Variants in ADAMTSL3 observed in about 807,000 individuals in gnomAD.
The protein encoded by ADAMTSL3 is ADAMTS like 3.
ADAMTSL3 carries 128 observed loss-of-function variants against 201.7 expected under a neutral mutation model. That is an observed-to-expected ratio of 0.63 (90% CI 0.55 to 0.73). The LOEUF (loss-of-function observed/expected upper bound fraction) is 0.73. ADAMTSL3 is among the 30% of genes least tolerant of loss of function. The probability of loss-of-function intolerance (pLI) is 0.00; values close to 1 mark genes in which losing one functional copy is unlikely to be tolerated. For missense variants in ADAMTSL3, 1,990 were observed against 2,119.6 expected (o/e 0.94, Z 1.20); for synonymous variants, 738 against 748.4 (o/e 0.99, Z 0.23).
rs181083444 is a variant in ADAMTSL3 at position 83,979,536 on chromosome 15, T to C, written c.2645-2737T>C. 2.6e-3 allele frequency among the ~76,000 whole-genome samples: 390 copies of C among 152,342 alleles called. 2 individuals carry two copies. The highest frequency in any genetic ancestry group is 9.0e-3 in the African/African-American group (376 of 41,578). ...AGAACAAACAACGTTAATATGTGAT[T>C]GTGTCTTGAATTTTATATTCCTTTT... On this transcript the variant is annotated intron_variant, in intron 20 of 29. Transcript: ENST00000286744.
chr15:83,788,338 A>T (rs2063295828), intron 4 of ADAMTSL3, among the ~76,000 whole-genome samples: 1 of 152,114 alleles, frequency 6.6e-6, no homozygotes, highest in Non-Finnish European at 1.5e-5. Context: ...TCATCCTGGG[A>T]GGGTCATTTA....
chr15:83,842,542 G>A (rs1192862532), intron 7 of ADAMTSL3, among the ~76,000 whole-genome samples: 1 of 152,190 alleles, frequency 6.6e-6, no homozygotes, highest in African/African-American at 2.4e-5. Flanking sequence ...AGGGGGATAA[G>A]GGAACTTTGC....
chr15:83,807,971 G>A (rs537748826), intron 5 of ADAMTSL3, among the ~76,000 whole-genome samples: 15 of 152,268 alleles, frequency 9.9e-5, no homozygotes, highest in South Asian at 2.1e-4. Context: ...ATCTCTCACC[G>A]TGTACAAAAT....
Position 83,699,107 on chromosome 15 carries a change from T to TATAC in ADAMTSL3, c.70-5263_70-5260dup, listed in dbSNP as rs529844314. ...TATAATGGTTGTAAATATATGTAAA[T>TATAC]ATACATACATACATACATACATTAT... On this transcript the variant is annotated intron_variant, in intron 2 of 29. Coordinates refer to ENST00000286744, the MANE Select transcript of ADAMTSL3 (RefSeq NM_207517.3). 1.4e-3 allele frequency among the ~76,000 whole-genome samples: 216 copies of TATAC among 152,060 alleles called. 2 individuals are homozygous for TATAC. The highest frequency in any genetic ancestry group is 0.011 in the Admixed American group (175 of 15,254).
At chr15:83,698,155 A>G (rs894896492) in intron 2 of ADAMTSL3, among the ~76,000 whole-genome samples, 1 of 152,130 alleles carries the variant, frequency 6.6e-6, no homozygotes. Flanking sequence ...TATGTCAAGA[A>G]CCTTAGTCAG....
intron 3 of ADAMTSL3, among the ~76,000 whole-genome samples, chr15:83,744,605 A>C (rs557688585): frequency 3.3e-5 from 5 of 152,316 alleles, no homozygotes; most frequent in African/African-American, 1.2e-4. Flanking sequence ...TTATGGTGGG[A>C]ACACTTAAAA....
chr15:83,994,572 T>G (rs1259970655), intron 23 of ADAMTSL3, among the ~76,000 whole-genome samples: 4 of 146,584 alleles, frequency 2.7e-5, no homozygotes, highest in Admixed American at 1.4e-4. Context: ...TTGTTTCTGT[T>G]TTTTTGTTTT....
intron 2 of ADAMTSL3, among the ~76,000 whole-genome samples, chr15:83,701,944 G>A (rs1262340969): frequency 6.6e-6 from 1 of 152,180 alleles, no homozygotes; most frequent in Admixed American, 6.5e-5. Context: ...AAGAAGACAG[G>A]AAAATGTGGG....
chr15:84,019,940 T>C (rs1486561459), intron 25 of ADAMTSL3, among the ~76,000 whole-genome samples: 3 of 147,940 alleles, frequency 2.0e-5, no homozygotes, highest in African/African-American at 5.0e-5. Context: ...GTACATATTA[T>C]ATGAAGTACA....
intron 21 of ADAMTSL3, among the ~76,000 whole-genome samples, chr15:83,985,237 A>G (rs1424157070): frequency 2.6e-5 from 4 of 152,236 alleles, no homozygotes; most frequent in Non-Finnish European, 5.9e-5. Context: ...TCTCATAAAA[A>G]AAAAAGTCTT....
chr15:83,917,690 A>G lies in ADAMTSL3; in HGVS notation c.1987+4312A>G, dbSNP rs2066062688. Among the ~76,000 whole-genome samples the G allele has an allele frequency of 2.6e-5, 4 of 152,162 alleles. No individual in the cohort carries two copies. In the South Asian group the frequency reaches 8.3e-4, roughly 32 times the overall value. On this transcript the variant is annotated intron_variant, in intron 16 of 29. Coordinates refer to ENST00000286744, the MANE Select transcript of ADAMTSL3 (RefSeq NM_207517.3). ...TTTTTTACCTTTATGTTTTCCAACA[A>G]CACAGGCTAGGAGTATATATATGGA...
At chr15:83,923,687 C>T (rs1367652361) in intron 16 of ADAMTSL3, among the ~76,000 whole-genome samples, 1 of 152,046 alleles carries the variant, frequency 6.6e-6, no homozygotes, top group Non-Finnish European at 1.5e-5. Context: ...AGTAAAGGGA[C>T]TGAATTTAAA....
chr15:83,743,385 C>T (rs943960792), intron 3 of ADAMTSL3, among the ~76,000 whole-genome samples: 43 of 151,700 alleles, frequency 2.8e-4, no homozygotes, highest in Admixed American at 1.4e-3. Context: ...CGGTGGCGGG[C>T]GCCTGTAGTC....
At chr15:83,696,174 G>A (rs2061686402) in intron 2 of ADAMTSL3, among the ~76,000 whole-genome samples, 1 of 152,092 alleles carries the variant, frequency 6.6e-6, no homozygotes, top group Non-Finnish European at 1.5e-5. Context: ...ACATTTAAAG[G>A]GACCTTTCAC....
At position 83,851,425 on chromosome 15, in the gene ADAMTSL3, A is replaced by G. The variant is rs115559608; in HGVS notation, c.728-7341A>G. On this transcript the variant is annotated intron_variant, in intron 7 of 29. Transcript: ENST00000286744. ...TAAAGTGTGTAATTATCAATGGGAC[A>G]ATGGTTGGAATATACACATATATGC... 6.0e-4 allele frequency among the ~76,000 whole-genome samples: 91 copies of G among 152,258 alleles called. 1 individual carries two copies. Among genetic ancestry groups the G allele is most frequent in the African/African-American group, 2.1e-3 (88 of 41,552 alleles).
At chr15:83,943,191 G>T (rs1428054446) in intron 19 of ADAMTSL3, 109 bp downstream of exon 19, 2 of 1,276,386 alleles carry the variant, frequency 1.6e-6, no homozygotes, top group African/African-American at 3.0e-5. Context: ...ATGAGTATGG[G>T]TCCTAGGGGG....
At chr15:83,675,898 C>T (rs879346156) in intron 2 of ADAMTSL3, among the ~76,000 whole-genome samples, 1 of 151,810 alleles carries the variant, frequency 6.6e-6, no homozygotes, top group Non-Finnish European at 1.5e-5. Context: ...GTTGCATTTC[C>T]TTGTTATCCT....
chr15:83,748,928 C>T (rs2062595607), intron 3 of ADAMTSL3, among the ~76,000 whole-genome samples: 1 of 151,852 alleles, frequency 6.6e-6, no homozygotes, highest in Admixed American at 6.6e-5. Context: ...GGGAGCAGAC[C>T]CTGAGAGGAG....
At chr15:83,899,593 C>A in intron 14 of ADAMTSL3, 54 bp from the exon 15 acceptor site, 1 of 1,541,978 alleles carries the variant, frequency 6.5e-7, no homozygotes. Context: ...ACCTATCCAA[C>A]TCCTTAATGA....
Sources: allele counts gnomAD v4.1 joint callset (sites outside exome capture counted in the v4.1 genomes callset), GRCh38; gene constraint gnomAD v4.1.1; transcripts MANE v1.5; gene names NCBI Gene and HGNC (gene_info 2026-07-23, HGNC 2026-07-21).